Variants in FOXN2 observed in about 807,000 individuals in gnomAD.
FOXN2 encodes forkhead box N2, also known as forkhead box protein N2.
A neutral mutation model predicts 41.2 loss-of-function variants in FOXN2; 19 were observed. That is an observed-to-expected ratio of 0.46 (90% confidence interval 0.32 to 0.68). The LOEUF (loss-of-function observed/expected upper bound fraction) is 0.68. Among genes scored for constraint, FOXN2 ranks in the 30% least tolerant of loss-of-function variants. The pLI is 0.03. For synonymous variants in FOXN2, 195 were observed against 176.8 expected, an observed-to-expected ratio of 1.10 and a Z score of -0.82; for missense variants, 587 against 509.4, an observed-to-expected ratio of 1.15 and a Z score of -1.47.
At chr2:48,314,505 G>C (rs574253403), upstream of FOXN2, 1 of 152,610 alleles carries the variant, frequency 6.6e-6, no homozygotes, top group South Asian at 2.1e-4. Context: ...CCCTTCGGTA[G>C]GAGGTGGGCG....
chr2:48,317,480 A>G (rs1017199835), intron 1 of FOXN2, among the ~76,000 whole-genome samples: 3 of 151,154 alleles, frequency 2.0e-5, no homozygotes, highest in Non-Finnish European at 2.9e-5. Flanking sequence ...TGAAGGGTTG[A>G]GAACAAAGAT....
At chr2:48,347,053 A>G (rs1017750476) in intron 3 of FOXN2, among the ~76,000 whole-genome samples, 3 of 152,214 alleles carry the variant, frequency 2.0e-5, no homozygotes, top group South Asian at 2.1e-4. Flanking sequence ...TCTTTATTCA[A>G]TATGATAATC....
chr2:48,366,045 C>G (rs773924903), intron 5 of FOXN2, among the ~76,000 whole-genome samples: 3 of 152,124 alleles, frequency 2.0e-5, no homozygotes, highest in Non-Finnish European at 2.9e-5. Context: ...ATGAGAGACC[C>G]AGGCCCTGCT....
At chr2:48,373,210 G>T (rs577570012) in intron 5 of FOXN2, 82 bp from the exon 6 acceptor site, 5 of 941,702 alleles carry the variant, frequency 5.3e-6, no homozygotes, top group South Asian at 2.9e-5. Context: ...TGTAACGCTG[G>T]TTATCTTCAG....
intron 2 of FOXN2, among the ~76,000 whole-genome samples, chr2:48,340,978 T>C (rs1031717814): frequency 6.6e-6 from 1 of 152,214 alleles, no homozygotes; most frequent in African/African-American, 2.4e-5. Context: ...GCTTAGAAAT[T>C]CGTTTATTAG....
Position 48,379,089 on chromosome 2 carries a change from T to C in FOXN2, c.*3646T>C, listed in dbSNP as rs185458896. ...TGATGTAGCATAAAAATTGTCCCGGTTTGAGTTATAACTGCCAGTAGATGA... is the reference window on the plus strand; with the variant it reads ...TGATGTAGCATAAAAATTGTCCCGGCTTGAGTTATAACTGCCAGTAGATGA... On this transcript the variant is annotated 3_prime_UTR_variant, in exon 7 of 7. Transcript: ENST00000340553. The C allele has an allele frequency of 1.3e-5, 2 of 152,684 alleles. No individual in the cohort carries two copies. The highest frequency in any genetic ancestry group is 4.8e-5 in the African/African-American group (2 of 41,564). The allele number at this position is 152,684 out of a possible 1,614,324, so 9.5% of individuals were successfully genotyped here.
At chr2:48,365,050 T>C (rs1672444986) in intron 5 of FOXN2, among the ~76,000 whole-genome samples, 1 of 152,232 alleles carries the variant, frequency 6.6e-6, no homozygotes, top group Non-Finnish European at 1.5e-5. Context: ...TAGTAGTATA[T>C]TAAAATCAGT....
chr2:48,315,474 T>C (rs1316305374), intron 1 of FOXN2, among the ~76,000 whole-genome samples: 4 of 152,192 alleles, frequency 2.6e-5, no homozygotes, highest in Non-Finnish European at 2.9e-5. Context: ...GTGGCTGTCT[T>C]GGGAGCTACT....
rs368605121 is a variant in FOXN2 at position 48,335,813 on chromosome 2, G to A, written c.-15+7111G>A. On this transcript the variant is annotated intron_variant, in intron 2 of 6. Coordinates refer to ENST00000340553, the MANE Select transcript of FOXN2 (RefSeq NM_002158.4). Reference sequence around the variant, plus strand: ...GAGGCTGAGGCAGGCGGATCATGAGGTCAGGAAATAGAGACCATCCTGGTG... The same window carrying A: ...GAGGCTGAGGCAGGCGGATCATGAGATCAGGAAATAGAGACCATCCTGGTG... 6.7e-5 allele frequency among the ~76,000 whole-genome samples: 10 copies of A among 149,462 alleles called. No homozygotes were observed. The East Asian group carries it at 1.0e-3, about 15-fold the overall frequency.
intron 6 of FOXN2, among the ~76,000 whole-genome samples, chr2:48,374,335 AAAT>A (rs980285362): frequency 1.2e-4 from 18 of 152,196 alleles, no homozygotes; most frequent in Non-Finnish European, 1.2e-4. Flanking sequence ...ACACAAAATG[AAAT>A]AATATTGAGG....
In FOXN2 at chr2:48,365,152, T is replaced by G. The variant is rs556125316; in HGVS notation, c.703+2445T>G. Among the ~76,000 whole-genome samples the G allele has an allele frequency of 2.0e-5, 3 of 152,296 alleles. No individual in the cohort carries two copies. In the South Asian group the frequency reaches 6.2e-4, roughly 32 times the overall value. ...AAAACCTTTCTGTGTATCAGAAATA[T>G]TTTGGCTCTTTGGAACTATACTAAA... is the stretch of plus-strand genomic sequence containing the variant. On this transcript the variant is annotated intron_variant, in intron 5 of 6. Coordinates refer to ENST00000340553, the MANE Select transcript of FOXN2 (RefSeq NM_002158.4).
intron 1 of FOXN2, among the ~76,000 whole-genome samples, 191 bp downstream of exon 1, chr2:48,315,005 C>G (rs955735172): frequency 2.0e-4 from 30 of 151,986 alleles, no homozygotes; most frequent in South Asian, 2.1e-4. Context: ...GTCCCCGGCG[C>G]GCGTATCGGG....
In FOXN2 at chr2:48,319,042, A is replaced by C. The variant is rs369839868; in HGVS notation, c.-157+4228A>C. On this transcript the variant is annotated intron_variant, in intron 1 of 6. Transcript: ENST00000340553. ...TACTGTTAAATCCCTGGGATAGTTTAATTACTGTTAACTATCTTCCTATCT... is the reference window on the plus strand; with the variant it reads ...TACTGTTAAATCCCTGGGATAGTTTCATTACTGTTAACTATCTTCCTATCT... Among the ~76,000 whole-genome samples, 8 of 152,302 alleles carry C rather than the reference A, an allele frequency of 5.3e-5. No individual in the cohort carries two copies. In the East Asian group the frequency reaches 9.6e-4, roughly 18 times the overall value.
chr2:48,339,923 A>G (rs775161193), intron 2 of FOXN2, among the ~76,000 whole-genome samples: 1 of 152,212 alleles, frequency 6.6e-6, no homozygotes, highest in Non-Finnish European at 1.5e-5. Flanking sequence ...ATAAAATGGA[A>G]TACTAGTCTC....
At chr2:48,349,976 C>G (rs938144674) in intron 3 of FOXN2, among the ~76,000 whole-genome samples, 1 of 152,256 alleles carries the variant, frequency 6.6e-6, no homozygotes, top group African/African-American at 2.4e-5. Flanking sequence ...GAGTCTGCAT[C>G]CACTAGCTAG....
At position 48,376,633 on chromosome 2, in the gene FOXN2, G is replaced by A. The variant is rs144376062; in HGVS notation, c.*1190G>A. The A allele has an allele frequency of 2.0e-4, 31 of 152,530 alleles. No individual in the cohort carries two copies. Among genetic ancestry groups the A allele is most frequent in the African/African-American group, 7.0e-4 (29 of 41,544 alleles). The allele number at this position is 152,530 out of a possible 1,614,324, so 9.4% of individuals were successfully genotyped here. A position where few individuals can be genotyped will look rare whatever the true frequency, so the allele number is the denominator to read the frequency against. On this transcript the variant is annotated 3_prime_UTR_variant, in exon 7 of 7. Transcript: ENST00000340553. ...TGATCCATGAGAAAAAGATTTTCTG[G>A]TACTACTCCAAAAGTGCTTTGACTA...
chr2:48,359,491 A>G (rs566324131), intron 4 of FOXN2, among the ~76,000 whole-genome samples: 235 of 152,078 alleles, frequency 1.5e-3, no homozygotes, highest in Non-Finnish European at 2.8e-3. Flanking sequence ...ACACGGTTTC[A>G]CCATGTTGGC....
At chr2:48,350,084 G>C (rs570692558) in intron 3 of FOXN2, among the ~76,000 whole-genome samples, 7 of 152,306 alleles carry the variant, frequency 4.6e-5, no homozygotes, top group African/African-American at 1.4e-4. Context: ...CAGATGTACA[G>C]AATCTGCCAA....
In FOXN2 at chr2:48,351,030, A is replaced by G. The variant is rs572566162; in HGVS notation, c.537+4279A>G. On this transcript the variant is annotated intron_variant, in intron 3 of 6. Transcript: ENST00000340553. ...ATCCAGGCTGGAGTGCAGTGGCTCAATCTCGGCCCACTGCAACCTCCGAGG... is the reference window on the plus strand; with the variant it reads ...ATCCAGGCTGGAGTGCAGTGGCTCAGTCTCGGCCCACTGCAACCTCCGAGG... Among the ~76,000 whole-genome samples the G allele has an allele frequency of 3.6e-4, 54 of 152,038 alleles. 1 individual carries two copies. Among genetic ancestry groups the G allele is most frequent in the African/African-American group, 1.1e-3 (46 of 41,436 alleles).
Sources: allele counts gnomAD v4.1 joint callset (sites outside exome capture counted in the v4.1 genomes callset), GRCh38; gene constraint gnomAD v4.1.1; transcripts MANE v1.5; gene names NCBI Gene and HGNC (gene_info 2026-07-23, HGNC 2026-07-21).